Variants in CADM2 observed in about 807,000 individuals in gnomAD.
The protein encoded by CADM2 is cell adhesion molecule 2, also known as immunoglobulin superfamily member 4D.
CADM2 carries 12 observed loss-of-function variants against 49.8 expected under a neutral mutation model. The observed-to-expected ratio is 0.24, with a 90% confidence interval of 0.15 to 0.39. The LOEUF (loss-of-function observed/expected upper bound fraction) is 0.39. Among genes scored for constraint, CADM2 ranks in the 10% least tolerant of loss-of-function variants. The pLI is 1.00. For synonymous variants in CADM2, 214 were observed against 175.4 expected, an observed-to-expected ratio of 1.22 and a Z score of -1.74; for missense variants, 378 against 492.3, an observed-to-expected ratio of 0.77 and a Z score of 2.20.
intron 1 of CADM2, among the ~76,000 whole-genome samples, chr3:85,158,585 C>T (rs1210553417): frequency 3.3e-5 from 5 of 151,954 alleles, no homozygotes; most frequent in Non-Finnish European, 7.4e-5. Context: ...TAAACTATCG[C>T]CAAGAACGAA....
intron 8 of CADM2, among the ~76,000 whole-genome samples, chr3:86,036,468 G>T (rs1331297687): frequency 3.9e-5 from 6 of 151,918 alleles, no homozygotes. Context: ...TCTTCAGTCT[G>T]CCCCTTAATT....
intron 3 of CADM2, among the ~76,000 whole-genome samples, chr3:85,839,818 A>T (rs2074561817): frequency 6.6e-6 from 1 of 151,934 alleles, no homozygotes; most frequent in African/African-American, 2.4e-5. Context: ...TGTATTCTTT[A>T]CAGATCTTAT....
At chr3:85,840,057 T>G (rs1387969182) in intron 3 of CADM2, among the ~76,000 whole-genome samples, 1 of 151,882 alleles carries the variant, frequency 6.6e-6, no homozygotes. Flanking sequence ...TCCTTCAGCT[T>G]TTTTCTGTAA....
intron 8 of CADM2, among the ~76,000 whole-genome samples, chr3:86,007,370 A>G (rs1019893812): frequency 6.6e-6 from 1 of 152,224 alleles, no homozygotes. Context: ...AGAAGGAAAG[A>G]AGAAACAATA....
chr3:85,182,350 A>G (rs1348554406), intron 1 of CADM2, among the ~76,000 whole-genome samples: 2 of 152,080 alleles, frequency 1.3e-5, no homozygotes, highest in African/African-American at 4.8e-5. Flanking sequence ...AAATCATCCA[A>G]TTTAACCAGT....
chr3:85,869,735 G>A (rs921958184), intron 3 of CADM2, among the ~76,000 whole-genome samples: 2 of 151,896 alleles, frequency 1.3e-5, no homozygotes, highest in Non-Finnish European at 2.9e-5. Flanking sequence ...CTCGGCTCAC[G>A]GCAAGCTCTG....
At chr3:85,214,316 C>T (rs1319086289) in intron 1 of CADM2, among the ~76,000 whole-genome samples, 1 of 152,098 alleles carries the variant, frequency 6.6e-6, no homozygotes, top group Admixed American at 6.5e-5. Context: ...GCTGAGCTGC[C>T]TAGAGCTGGG....
At chr3:85,675,389 A>C (rs956743745) in intron 1 of CADM2, among the ~76,000 whole-genome samples, 21 of 152,308 alleles carry the variant, frequency 1.4e-4, no homozygotes, top group African/African-American at 5.1e-4. Context: ...AAATGTAGCT[A>C]TTCTGTTTCA....
At chr3:85,616,589 T>C (rs1269958934) in intron 1 of CADM2, among the ~76,000 whole-genome samples, 1 of 152,136 alleles carries the variant, frequency 6.6e-6, no homozygotes, top group Non-Finnish European at 1.5e-5. Context: ...TAACATATAA[T>C]AAATGAGAGA....
At chr3:85,738,100 T>C (rs968064208) in intron 2 of CADM2, among the ~76,000 whole-genome samples, 2 of 151,810 alleles carry the variant, frequency 1.3e-5, no homozygotes, top group African/African-American at 4.9e-5. Flanking sequence ...AGAAGTTATC[T>C]TGGGAAAGAC....
At chr3:85,275,261 A>T (rs1377163229) in intron 1 of CADM2, among the ~76,000 whole-genome samples, 2 of 151,576 alleles carry the variant, frequency 1.3e-5, no homozygotes, top group Non-Finnish European at 3.0e-5. Context: ...GATTTTGCAC[A>T]CTTAAAAATT....
At chr3:85,396,903 A>C (rs571398467) in intron 1 of CADM2, among the ~76,000 whole-genome samples, 1 of 152,240 alleles carries the variant, frequency 6.6e-6, no homozygotes, top group African/African-American at 2.4e-5. Flanking sequence ...AAAATTAGAT[A>C]AATTGGTCTT....
At chr3:85,815,021 A>C (rs2073127069) in intron 3 of CADM2, among the ~76,000 whole-genome samples, 3 of 152,108 alleles carry the variant, frequency 2.0e-5, no homozygotes, top group Admixed American at 1.3e-4. Flanking sequence ...TCCTGGACAC[A>C]TACACCCTCC....
chr3:85,408,010 CAAAAAAAAA>C lies in CADM2; in HGVS notation c.62-318500_62-318492del, dbSNP rs372349246. 2.5e-4 allele frequency among the ~76,000 whole-genome samples: 14 copies of C among 56,176 alleles called. No individual in the cohort carries two copies. In the South Asian group the frequency reaches 8.8e-3, roughly 35 times the overall value. The allele number at this position is 56,176 out of a possible 152,430, so 36.9% of individuals were successfully genotyped here. On this transcript the variant is annotated intron_variant, in intron 1 of 9. Transcript: ENST00000383699. The stretch of plus-strand genomic sequence containing the variant: ...CTCTTTAAACAAAACAAAACAAAAC[CAAAAAAAAA>C]AAAAAAAAAAAGAAGAAGAAGAAAA...
In CADM2 at chr3:85,104,767, C is replaced by T. The variant is rs146658574; in HGVS notation, c.61+145099C>T. Among the ~76,000 whole-genome samples, 12 of 152,174 alleles carry T rather than the reference C, an allele frequency of 7.9e-5. No individual in the cohort carries two copies. In the East Asian group the frequency reaches 2.3e-3, roughly 29 times the overall value. On this transcript the variant is annotated intron_variant, in intron 1 of 9. Transcript: ENST00000383699. ...TCATTGAGCAGTGGTTTGTAGTTCT[C>T]CTTAATGAGGTCCTTCACATTCCTT...
chr3:86,045,201 G>A (rs535434722), intron 8 of CADM2, among the ~76,000 whole-genome samples: 57 of 151,140 alleles, frequency 3.8e-4, no homozygotes, highest in African/African-American at 1.2e-3. Context: ...AAAACTTAAC[G>A]TATAATAATA....
intron 1 of CADM2, among the ~76,000 whole-genome samples, chr3:85,215,357 TTAAAAAAAAAAAA>T (rs2041895442): frequency 1.7e-5 from 2 of 114,388 alleles, no homozygotes; most frequent in African/African-American, 3.4e-5. Flanking sequence ...TCTCTCTTTT[TTAAAAAAAAAAAA>T]AAAAAAAAAA....
At chr3:85,963,141 G>A (rs964858550) in intron 8 of CADM2, among the ~76,000 whole-genome samples, 6 of 151,818 alleles carry the variant, frequency 4.0e-5, no homozygotes, top group African/African-American at 1.4e-4. Flanking sequence ...TTGCATTATT[G>A]TATAAAATCT....
chr3:85,477,652 T>C (rs1045963762), intron 1 of CADM2, among the ~76,000 whole-genome samples: 22 of 152,012 alleles, frequency 1.4e-4, no homozygotes, highest in Non-Finnish European at 2.2e-4. Context: ...TTTAGTTAGG[T>C]TGACATTTTT....
Sources: gnomAD v4.1 joint callset for allele counts (sites outside exome capture counted in the v4.1 genomes callset) on GRCh38, gnomAD v4.1.1 for gene constraint, MANE v1.5 for transcripts, NCBI Gene and HGNC (gene_info 2026-07-23, HGNC 2026-07-21) for gene names.